WDR33: variants seen among roughly 807,000 people sequenced by gnomAD.
The protein encoded by WDR33 is WD repeat domain 33.
A neutral mutation model predicts 164.9 loss-of-function variants in WDR33; 47 were observed. That is an observed-to-expected ratio of 0.29 (90% CI 0.23 to 0.36). WDR33 has a LOEUF of 0.36. Among genes scored for constraint, WDR33 ranks in the 10% least tolerant of loss-of-function variants. The pLI, the probability that WDR33 is intolerant of heterozygous loss-of-function variation, is 1.00. For synonymous variants in WDR33, 505 were observed against 589.0 expected (o/e 0.86, Z 2.06); for missense variants, 1,137 against 1,754.1 (o/e 0.65, Z 6.28).
intron 1 of WDR33, among the ~76,000 whole-genome samples, chr2:127,797,078 G>A (rs1388693456): frequency 6.6e-6 from 1 of 151,964 alleles, no homozygotes; most frequent in African/African-American, 2.4e-5. Context: ...CCATGGCAGG[G>A]AAAATTTTCC....
In WDR33 at chr2:127,754,909, A is replaced by C. The variant is rs115707667; in HGVS notation, c.724+8153T>G. The stretch of plus-strand genomic sequence containing the variant: ...GTCTCTTTTAACCCAGCTAAATACT[A>C]ATCTTCCCTTTACTGTTCTTCATGA... On this transcript the variant is annotated intron_variant, in intron 7 of 21. Transcript: ENST00000322313. 5.1e-3 allele frequency among the ~76,000 whole-genome samples: 781 copies of C among 152,270 alleles called. 7 individuals are homozygous for C. Among genetic ancestry groups the C allele is most frequent in the African/African-American group, 0.017 (712 of 41,564 alleles).
chr2:127,714,141 G>A lies in WDR33; in HGVS notation c.2870-120C>T. 8.5e-7 allele frequency: 1 copy of A among 1,172,832 alleles called. No individual in the cohort carries two copies. Among genetic ancestry groups the A allele is most frequent in the African/African-American group, 1.6e-5 (1 of 63,708 alleles). The allele number at this position is 1,172,832 out of a possible 1,614,324, so 72.7% of individuals were successfully genotyped here. ...TTATTGAGAATGTTTTCCCTCCTTGGTTCTCAGCTTAGTTAGGAGACAAAT... is the reference window on the plus strand; with the variant it reads ...TTATTGAGAATGTTTTCCCTCCTTGATTCTCAGCTTAGTTAGGAGACAAAT... On this transcript the variant is annotated intron_variant, in intron 17 of 21. Coordinates refer to ENST00000322313, the MANE Select transcript of WDR33 (RefSeq NM_018383.5). The surrounding 1 kb of genome is among the most constrained non-coding windows in gnomAD (Gnocchi z 4.3).
intron 1 of WDR33, among the ~76,000 whole-genome samples, chr2:127,791,634 C>A (rs1447229153): frequency 6.6e-6 from 1 of 152,106 alleles, no homozygotes; most frequent in Non-Finnish European, 1.5e-5. Flanking sequence ...TGTCATCACA[C>A]TGGGGGTTAC....
Position 127,704,875 on chromosome 2 carries a change from C to T in WDR33, c.*1448G>A. On this transcript the variant is annotated 3_prime_UTR_variant, in exon 22 of 22. Coordinates refer to ENST00000322313, the MANE Select transcript of WDR33 (RefSeq NM_018383.5). ...GGCCACAGCAGGTGGACCGCTTGAG[C>T]CCAGGAGTTTGAAACCAGCATAGAC... 1 of 165,250 alleles carries T rather than the reference C, an allele frequency of 6.1e-6. No homozygotes were observed. 10.2% of individuals were successfully genotyped at this position (165,250 alleles called of 1,614,324 possible). A position where few individuals can be genotyped will look rare whatever the true frequency, so the allele number is the denominator to read the frequency against.
chr2:127,720,839 G>C lies in WDR33; in HGVS notation c.1672-486C>G, dbSNP rs901201268. Among the ~76,000 whole-genome samples the C allele has an allele frequency of 6.6e-6, 1 of 152,170 alleles. No homozygotes were observed. Among genetic ancestry groups the C allele is most frequent in the South Asian group, 2.1e-4 (1 of 4,816 alleles). ...CTCCCAAAGTGCTGGGATTACAGGC[G>C]TGAGCCACTGTGCCTGGCCTAGTCA... On this transcript the variant is annotated intron_variant, in intron 15 of 21. Coordinates refer to ENST00000322313, the MANE Select transcript of WDR33 (RefSeq NM_018383.5). This position sits in a 1 kb window ranked among gnomAD's most constrained non-coding sequence, Gnocchi z 5.9.
At chr2:127,728,634 C>A (rs1023133747) in intron 7 of WDR33, among the ~76,000 whole-genome samples, 2 of 152,044 alleles carry the variant, frequency 1.3e-5, no homozygotes, top group Non-Finnish European at 2.9e-5. Flanking sequence ...CCCCCTTGCC[C>A]CTTGTTTGCC....
In WDR33 at chr2:127,789,830, T is replaced by C. The variant is rs556189050; in HGVS notation, c.-23-18826A>G. Among the ~76,000 whole-genome samples, 3 of 151,798 alleles carry C rather than the reference T, an allele frequency of 2.0e-5. No individual in the cohort carries two copies. The East Asian group carries it at 5.8e-4, about 29-fold the overall frequency. On this transcript the variant is annotated intron_variant, in intron 1 of 21. Coordinates refer to ENST00000322313, the MANE Select transcript of WDR33 (RefSeq NM_018383.5). ...TGAAGTAAATCCTTTCTATTACTGG[T>C]TTGCTAAAAAAAAATTTTTTTTTGA...
chr2:127,744,485 G>C (rs1041936918), intron 7 of WDR33, among the ~76,000 whole-genome samples: 2 of 152,092 alleles, frequency 1.3e-5, no homozygotes, highest in Admixed American at 6.6e-5. Context: ...AATATACGTA[G>C]TATAATCTCC....
Position 127,702,421 on chromosome 2 carries a change from G to T in WDR33, c.*3902C>A. 3.4e-6 allele frequency: 1 copy of T among 292,760 alleles called. No homozygotes were observed. The highest frequency in any genetic ancestry group is 6.6e-6 in the Non-Finnish European group (1 of 151,548). The allele number at this position is 292,760 out of a possible 1,614,324, so 18.1% of individuals were successfully genotyped here. ...CTCTGAAAACTGAGATTTTGTCATT[G>T]AACTGGTGACAGGATGTGAGACGGT... On this transcript the variant is annotated 3_prime_UTR_variant, in exon 22 of 22. Transcript: ENST00000322313.
At position 127,708,287 on chromosome 2, in the gene WDR33, C is replaced by T. The variant is rs188441292; in HGVS notation, c.3781+390G>A. Among the ~76,000 whole-genome samples the T allele has an allele frequency of 1.4e-3, 213 of 152,280 alleles. No homozygotes were observed. The highest frequency in any genetic ancestry group is 2.7e-3 in the Non-Finnish European group (183 of 68,022). On this transcript the variant is annotated intron_variant, in intron 21 of 21. Transcript: ENST00000322313. The surrounding 1 kb of genome is among the most constrained non-coding windows in gnomAD (Gnocchi z 6.7). Reference sequence around the variant, plus strand: ...TGAGCACAAGCAGTGTTCCTCTAGACCCAGGCTAAAAAAACCAACAGACCA... The same window carrying T: ...TGAGCACAAGCAGTGTTCCTCTAGATCCAGGCTAAAAAAACCAACAGACCA...
rs202144054 is a variant in WDR33, at chr2:127,738,048, C to A, written c.725-11271G>T. On this transcript the variant is annotated intron_variant, in intron 7 of 21. Coordinates refer to ENST00000322313, the MANE Select transcript of WDR33 (RefSeq NM_018383.5). The surrounding 1 kb of genome is among the most constrained non-coding windows in gnomAD (Gnocchi z 4.4). ...GAAGTAACAACGGCAGTGATGAAAACATGTATCTATCAAAACAAGAAGGGT... is the reference window on the plus strand; with the variant it reads ...GAAGTAACAACGGCAGTGATGAAAAAATGTATCTATCAAAACAAGAAGGGT... The A allele has an allele frequency of 6.2e-7, 1 of 1,612,834 alleles. No individual in the cohort carries two copies. The highest frequency in any genetic ancestry group is 1.1e-5 in the South Asian group (1 of 90,842).
chr2:127,739,870 G>T (rs750167964), intron 7 of WDR33, among the ~76,000 whole-genome samples: 14 of 152,164 alleles, frequency 9.2e-5, no homozygotes, highest in Admixed American at 3.9e-4. Context: ...TGCAACTTTT[G>T]TAAGACTGCT....
intron 7 of WDR33, among the ~76,000 whole-genome samples, chr2:127,745,335 G>A (rs1406324162): frequency 1.5e-4 from 23 of 152,136 alleles, no homozygotes; most frequent in Admixed American, 1.4e-3. Context: ...TGTGCTCTTT[G>A]GGACCAGTGT....
Position 127,701,434 on chromosome 2 carries a change from C to A in WDR33, c.*4889G>T, listed in dbSNP as rs1685873656. The A allele has an allele frequency of 5.1e-6, 6 of 1,173,428 alleles. No individual in the cohort carries two copies. In the South Asian group the frequency reaches 2.2e-4, roughly 43 times the overall value. The allele number at this position is 1,173,428 out of a possible 1,614,324, so 72.7% of individuals were successfully genotyped here. On this transcript the variant is annotated 3_prime_UTR_variant, in exon 22 of 22. Coordinates refer to ENST00000322313, the MANE Select transcript of WDR33 (RefSeq NM_018383.5). ...GCGCCGCAGGCCCTGCCCCTTTCGCCGTCGCCGACCAATTGCCGCCCGAAG... is the reference window on the plus strand; with the variant it reads ...GCGCCGCAGGCCCTGCCCCTTTCGCAGTCGCCGACCAATTGCCGCCCGAAG...
Position 127,701,361 on chromosome 2 carries a change from G to A in WDR33, c.*4962C>T. ...GGCAGCACCTGCGACCACGGTACTT[G>A]GGGACACCACAAAAGTCCGCAGAGC... On this transcript the variant is annotated 3_prime_UTR_variant, in exon 22 of 22. Coordinates refer to ENST00000322313, the MANE Select transcript of WDR33 (RefSeq NM_018383.5). The A allele has an allele frequency of 5.5e-6, 3 of 549,090 alleles. No individual in the cohort carries two copies. The highest frequency in any genetic ancestry group is 3.7e-5 in the East Asian group (1 of 26,930). 34.0% of individuals were successfully genotyped at this position (549,090 alleles called of 1,614,324 possible). A position where few individuals can be genotyped will look rare whatever the true frequency, so the allele number is the denominator to read the frequency against.
At chr2:127,754,393 A>G (rs1396037401) in intron 7 of WDR33, among the ~76,000 whole-genome samples, 1 of 152,114 alleles carries the variant, frequency 6.6e-6, no homozygotes, top group Non-Finnish European at 1.5e-5. Flanking sequence ...GGGAAGCCCA[A>G]TAGCTCACAC....
chr2:127,783,599 C>CTTTTTTTTTT (rs35345585), intron 1 of WDR33, among the ~76,000 whole-genome samples: 7 of 84,410 alleles, frequency 8.3e-5, no homozygotes, highest in African/African-American at 2.5e-4. Flanking sequence ...TTCAGGACTC[C>CTTTTTTTTTT]TTTTTTTTTT....
rs1422098149 is a variant in WDR33, at chr2:127,724,848, T to C, written c.1085+39A>G. 6.2e-7 allele frequency: 1 copy of C among 1,606,548 alleles called. No individual in the cohort carries two copies. The highest frequency in any genetic ancestry group is 1.7e-5 in the Admixed American group (1 of 60,018). On this transcript the variant is annotated intron_variant, in intron 10 of 21. Transcript: ENST00000322313. This position sits in a 1 kb window ranked among gnomAD's most constrained non-coding sequence, Gnocchi z 4.8. ...GTCTGCACACATTCACGTGCTCTCT[T>C]CACAAAATACACTACTTTTTCACAT... is the stretch of plus-strand genomic sequence containing the variant.
intron 21 of WDR33, among the ~76,000 whole-genome samples, chr2:127,707,229 TAAAAAAAAAAAAAAAA>T (rs1686039699): frequency 1.6e-5 from 2 of 122,604 alleles, no homozygotes; most frequent in South Asian, 5.1e-4. Flanking sequence ...AGAATATATT[TAAAAAAAAAAAAAAAA>T]GAAAAAAAAG....
Sources: allele counts gnomAD v4.1 joint callset (sites outside exome capture counted in the v4.1 genomes callset), GRCh38; gene constraint gnomAD v4.1.1; non-coding constraint Gnocchi (gnomAD v3.1); transcripts MANE v1.5; gene names NCBI Gene and HGNC (gene_info 2026-07-23, HGNC 2026-07-21).